LMBR1L: variants seen among roughly 807,000 people sequenced by gnomAD.
The protein encoded by LMBR1L is protein LMBR1L.
Under a neutral mutation model 67.3 loss-of-function variants are expected in LMBR1L, and 47 were observed. The observed-to-expected ratio is 0.70, with a 90% CI of 0.55 to 0.89. LMBR1L has a LOEUF of 0.89. Ranked by LOEUF, LMBR1L falls within the 40% of genes least tolerant of loss-of-function variation. LMBR1L has a pLI of 0.00. For synonymous variants in LMBR1L, 247 were observed against 250.3 expected, an observed-to-expected ratio of 0.99 and a Z score of 0.13; for missense variants, 533 against 599.2, an observed-to-expected ratio of 0.89 and a Z score of 1.15.
In LMBR1L at chr12:49,110,464, C is replaced by A; in HGVS notation, c.72+20G>T. On this transcript the variant is annotated intron_variant, in intron 1 of 16. Transcript: ENST00000267102. ...GTCTCCCGCAACCCCCGCTTCTCCT[C>A]GCCGGGGCCCCGCACTCACAATACA... 6.2e-7 allele frequency: 1 copy of A among 1,612,844 alleles called. No homozygotes were observed. Among genetic ancestry groups the A allele is most frequent in the South Asian group, 1.1e-5 (1 of 91,062 alleles).
intron 2 of LMBR1L, chr12:49,106,313 G>A (rs1940903454): frequency 2.6e-6 from 1 of 384,488 alleles, no homozygotes; most frequent in Admixed American, 3.7e-5. Context: ...CCAGGAAAGG[G>A]AAAAGAGAGG....
At chr12:49,106,704 A>G (rs1266322002) in intron 2 of LMBR1L, 1 of 1,055,520 alleles carries the variant, frequency 9.5e-7, no homozygotes, top group South Asian at 1.4e-5. Flanking sequence ...GGTCCACACA[A>G]TGGAGTAGGT....
intron 2 of LMBR1L, 199 bp from the exon 3 acceptor site, chr12:49,106,156 T>C: frequency 1.7e-6 from 1 of 572,002 alleles, no homozygotes. Flanking sequence ...AAATCAGTGG[T>C]CCCAGGTGAA....
chr12:49,105,849 C>A, intron 3 of LMBR1L, 75 bp downstream of exon 3: 1 of 1,249,128 alleles, frequency 8.0e-7, no homozygotes, highest in African/African-American at 1.5e-5. Flanking sequence ...CCCCCTTCTC[C>A]CTCCAGCTCC....
At chr12:49,101,983 G>A in intron 11 of LMBR1L, 137 bp downstream of exon 11, 1 of 700,302 alleles carries the variant, frequency 1.4e-6, no homozygotes, top group Non-Finnish European at 2.5e-6. Context: ...ACCACAGGCA[G>A]GACATAAAAG....
At chr12:49,110,369 C>T (rs1158983633) in intron 1 of LMBR1L, 115 bp downstream of exon 1, 8 of 993,838 alleles carry the variant, frequency 8.0e-6, no homozygotes, top group African/African-American at 7.9e-5. Context: ...AGGCCTCCGT[C>T]GCCCGCCGCT....
In LMBR1L at chr12:49,102,690, C is replaced by T. The variant is rs992262018; in HGVS notation, c.697-150G>A. The T allele has an allele frequency of 4.2e-5, 39 of 924,506 alleles. No homozygotes were observed. In the African/African-American group the frequency reaches 4.4e-4, roughly 11 times the overall value. The allele number at this position is 924,506 out of a possible 1,614,324, so 57.3% of individuals were successfully genotyped here. ...TGTGGCCCGCAGCTTTGCTCAGTCC[C>T]TCCCAATTGCCCTGTATTCTGCCCT... is the stretch of plus-strand genomic sequence containing the variant. On this transcript the variant is annotated intron_variant, in intron 8 of 16. Coordinates refer to ENST00000267102, the MANE Select transcript of LMBR1L (RefSeq NM_018113.4).
rs1260081813 is a variant in LMBR1L, at chr12:49,101,295, GAGA to G, written c.1034_1036del (p.Phe345del). The G allele has an allele frequency of 1.2e-6, 2 of 1,614,162 alleles. No homozygotes were observed. The highest frequency in any genetic ancestry group is 1.7e-6 in the Non-Finnish European group (2 of 1,180,032). On this transcript the variant is annotated inframe_deletion, in exon 13 of 17. Coordinates refer to ENST00000267102, the MANE Select transcript of LMBR1L (RefSeq NM_018113.4). ...GACGGCACCAAAGGAGCCCAGCTTGGAGAAGGAGACCTGGCCTAAGGAGGTACC... is the reference window on the plus strand; with the variant it reads ...GACGGCACCAAAGGAGCCCAGCTTGGAGGAGACCTGGCCTAAGGAGGTACC...
intron 1 of LMBR1L, among the ~76,000 whole-genome samples, chr12:49,108,334 C>T (rs1431854240): frequency 1.3e-5 from 2 of 151,670 alleles, no homozygotes; most frequent in Non-Finnish European, 2.9e-5. Context: ...GAGGCCGAGG[C>T]GGGAGGATCA....
Position 49,101,532 on chromosome 12 carries a change from A to G in LMBR1L, c.948T>C (p.Ile316=), listed in dbSNP as rs755652916. The G allele has an allele frequency of 1.2e-6, 2 of 1,613,728 alleles. No homozygotes were observed. Among genetic ancestry groups the G allele is most frequent in the Non-Finnish European group, 1.7e-6 (2 of 1,179,830 alleles). The change falls in exon 12 of 17, where the codon ATT becomes ATC. Residue 316 remains isoleucine, a synonymous_variant. Transcript: ENST00000267102. ...GCAGCTCCAGGATGTGGATGGCCAC[A>G]ATGAGCACAGACAGGCCCTGTGTGA... ...LLVLTGLSVL[I]VAIHILELLI...
intron 5 of LMBR1L, 162 bp from the exon 6 acceptor site, chr12:49,103,975 G>T: frequency 1.5e-6 from 1 of 679,894 alleles, no homozygotes; most frequent in Non-Finnish European, 2.4e-6. Context: ...CCACTCCCCA[G>T]TCTAAGGTCA....
At chr12:49,110,189 C>A (rs999317095) in intron 1 of LMBR1L, 6 of 545,812 alleles carry the variant, frequency 1.1e-5, no homozygotes, top group Non-Finnish European at 1.7e-5. Context: ...GGCTCTCAGA[C>A]CCCGGAGACC....
intron 13 of LMBR1L, 78 bp from the exon 14 acceptor site, chr12:49,100,724 GC>G: frequency 9.3e-7 from 1 of 1,076,962 alleles, no homozygotes; most frequent in Non-Finnish European, 1.3e-6. Flanking sequence ...CTCTCTCCCA[GC>G]CCACTTCTTT....
chr12:49,099,578 G>T (rs969770233), intron 15 of LMBR1L, among the ~76,000 whole-genome samples: 51 of 150,646 alleles, frequency 3.4e-4, no homozygotes, highest in Non-Finnish European at 6.8e-4. Context: ...TTACACTCTT[G>T]AACTTTTTTT....
chr12:49,100,441 C>G lies in LMBR1L; in HGVS notation c.1187G>C (p.Cys396Ser), dbSNP rs1426530700. The change falls in exon 15 of 17, where the codon TGT becomes TCT. Residue 396 changes from cysteine (C) to serine (S), a missense_variant. Physicochemically the swap from Cys to Ser is moderately radical, Grantham distance 112 (BLOSUM62 -1). Transcript: ENST00000267102. ...DTAMTQIIGN[C>S]VCLLVLSSAL... ...TGAGCTTAGGACCAGGAGACAGACA[C>G]AGTTCCCAATTATCTGGGTGGAAGC... 5 of 1,613,970 alleles carry G rather than the reference C, an allele frequency of 3.1e-6. No individual in the cohort carries two copies. The highest frequency in any genetic ancestry group is 4.2e-6 in the Non-Finnish European group (5 of 1,179,794).
intron 9 of LMBR1L, 22 bp downstream of exon 9, chr12:49,102,446 G>C: frequency 6.2e-7 from 1 of 1,613,994 alleles, no homozygotes; most frequent in Non-Finnish European, 8.5e-7. Flanking sequence ...TACCACCCCA[G>C]CAGGGAAGAA....
intron 15 of LMBR1L, among the ~76,000 whole-genome samples, chr12:49,099,233 T>G (rs1939803059): frequency 6.6e-6 from 1 of 151,492 alleles, no homozygotes; most frequent in Non-Finnish European, 1.5e-5. Context: ...CTCAAGCAAT[T>G]CTCATGCCTC....
At chr12:49,102,639 T>G (rs1940352227) in intron 8 of LMBR1L, 99 bp from the exon 9 acceptor site, 1 of 1,267,628 alleles carries the variant, frequency 7.9e-7, no homozygotes, top group Admixed American at 1.9e-5. Flanking sequence ...AGTCCCAGGC[T>G]TCCCCCAGAC....
At chr12:49,099,915 T>C (rs1939914097) in intron 15 of LMBR1L, among the ~76,000 whole-genome samples, 1 of 152,182 alleles carries the variant, frequency 6.6e-6, no homozygotes, top group Non-Finnish European at 1.5e-5. Context: ...ATTCTAGATA[T>C]AGCTCTAAAG....
Sources: gnomAD v4.1 joint callset for allele counts (sites outside exome capture counted in the v4.1 genomes callset) on GRCh38, gnomAD v4.1.1 for gene constraint, MANE v1.5 for transcripts, NCBI Gene and HGNC (gene_info 2026-07-23, HGNC 2026-07-21) for gene names.